The following IL1RAPL2 variants were observed in gnomAD, a reference collection of about 807,000 sequenced individuals.
IL1RAPL2 encodes X-linked interleukin-1 receptor accessory protein-like 2.
In IL1RAPL2, 3 loss-of-function variants were observed where a neutral mutation model predicts 44.1. The observed-to-expected ratio is 0.07, with a 90% CI of 0.03 to 0.18. The LOEUF is 0.18. IL1RAPL2 is among the 10% of genes least tolerant of loss of function. The pLI is 1.00. For missense variants in IL1RAPL2, 391 were observed against 496.4 expected (o/e 0.79, Z 2.02); for synonymous variants, 181 against 178.8 (o/e 1.01, Z -0.10).
At chrX:105,727,776 CT>C (rs2038364491) in intron 7 of IL1RAPL2, among the ~76,000 whole-genome samples, 1 of 111,869 alleles carries the variant, frequency 8.9e-6, no homozygotes, top group African/African-American at 3.2e-5. Flanking sequence ...TACTTCCCAG[CT>C]TACCACATTG....
chrX:104,632,863 A>C (rs1929685943), intron 1 of IL1RAPL2, among the ~76,000 whole-genome samples: 1 of 110,413 alleles, frequency 9.1e-6, no homozygotes, highest in Non-Finnish European at 1.9e-5. Context: ...CCTGGCCAGA[A>C]CTTCCAACAC....
intron 2 of IL1RAPL2, among the ~76,000 whole-genome samples, chrX:105,156,642 C>T (rs2147592249): frequency 8.9e-6 from 1 of 112,020 alleles, no homozygotes; most frequent in East Asian, 2.8e-4. Flanking sequence ...TTTTCATTTG[C>T]AAAATATTTT....
chrX:104,999,790 A>T (rs1489223060), intron 2 of IL1RAPL2, among the ~76,000 whole-genome samples: 2 of 111,356 alleles, frequency 1.8e-5, no homozygotes, highest in Non-Finnish European at 3.8e-5. Flanking sequence ...AACTTCCTTT[A>T]GTTCTAGTAC....
At chrX:105,696,609 G>A (rs1348028964) in intron 6 of IL1RAPL2, among the ~76,000 whole-genome samples, 2 of 111,755 alleles carry the variant, frequency 1.8e-5, no homozygotes, top group Non-Finnish European at 3.8e-5. Flanking sequence ...TGGCCAAATG[G>A]ACTGGAGTTC....
At chrX:104,910,950 G>A in intron 2 of IL1RAPL2, among the ~76,000 whole-genome samples, 1 of 112,018 alleles carries the variant, frequency 8.9e-6, no homozygotes, top group Middle Eastern at 4.6e-3. Flanking sequence ...GAATGAAAAG[G>A]TAATATGATA....
intron 5 of IL1RAPL2, among the ~76,000 whole-genome samples, chrX:105,379,929 G>C (rs957443407): frequency 9.0e-6 from 1 of 111,507 alleles, no homozygotes; most frequent in Admixed American, 9.6e-5. Context: ...TATTACAAGA[G>C]TGACTCCTAA....
At chrX:104,979,528 T>A (rs1470785780) in intron 2 of IL1RAPL2, among the ~76,000 whole-genome samples, 1 of 111,757 alleles carries the variant, frequency 8.9e-6, no homozygotes, top group East Asian at 2.8e-4. Flanking sequence ...ACATGACAGA[T>A]AAAAGTTTGA....
chrX:104,603,718 A>T (rs1386955434), intron 1 of IL1RAPL2, among the ~76,000 whole-genome samples: 1 of 111,910 alleles, frequency 8.9e-6, no homozygotes, highest in Non-Finnish European at 1.9e-5. Context: ...ATTGAAGATC[A>T]ACCTAATGAA....
intron 10 of IL1RAPL2, among the ~76,000 whole-genome samples, chrX:105,761,784 T>G (rs1366229697): frequency 1.8e-5 from 2 of 112,166 alleles, no homozygotes; most frequent in Non-Finnish European, 3.8e-5. Flanking sequence ...AGTAATAAAT[T>G]ATGCTTTTGT....
chrX:105,267,041 C>G (rs748845192), intron 4 of IL1RAPL2, among the ~76,000 whole-genome samples: 5 of 111,529 alleles, frequency 4.5e-5, no homozygotes, highest in Non-Finnish European at 9.4e-5. Context: ...ATAGAAGGAA[C>G]CAGGACATTA....
intron 5 of IL1RAPL2, among the ~76,000 whole-genome samples, chrX:105,454,097 A>C (rs894007578): frequency 9.0e-6 from 1 of 111,322 alleles, no homozygotes. Flanking sequence ...TCAGCTCAGA[A>C]CCAAGAGAGA....
intron 6 of IL1RAPL2, among the ~76,000 whole-genome samples, chrX:105,667,661 AGCAGCAGTC>A (rs986632429): frequency 9.0e-6 from 1 of 111,573 alleles, no homozygotes; most frequent in Non-Finnish European, 1.9e-5. Flanking sequence ...CTCCAGCAGT[AGCAGCAGTC>A]ACAGTAACAG....
At chrX:104,927,202 C>A (rs965012549) in intron 2 of IL1RAPL2, among the ~76,000 whole-genome samples, 1 of 111,637 alleles carries the variant, frequency 9.0e-6, no homozygotes, top group South Asian at 3.7e-4. Flanking sequence ...GAAGCCCACT[C>A]CTCTTCCTAC....
At position 105,142,589 on chromosome X, in the gene IL1RAPL2, T is replaced by C. The variant is rs747891298; in HGVS notation, c.83-52886T>C. Among the ~76,000 whole-genome samples the C allele has an allele frequency of 3.4e-3, 376 of 110,336 alleles. 1 individual carries two copies. The highest frequency in any genetic ancestry group is 0.011 in the African/African-American group (347 of 30,256). On this transcript the variant is annotated intron_variant, in intron 2 of 10. Transcript: ENST00000372582. ...GTATCTTCAGTGAAGATACTTTAAA[T>C]CTGTGACATTTTTTTTTTTAGCTTT... is the stretch of plus-strand genomic sequence containing the variant.
chrX:105,009,772 A>G (rs1345123440), intron 2 of IL1RAPL2, among the ~76,000 whole-genome samples: 1 of 110,196 alleles, frequency 9.1e-6, no homozygotes. Context: ...TAAAAAAAAG[A>G]AAATAGTGTT....
At chrX:104,887,611 G>A (rs1185831710) in intron 2 of IL1RAPL2, among the ~76,000 whole-genome samples, 5 of 111,604 alleles carry the variant, frequency 4.5e-5, no homozygotes, top group Non-Finnish European at 9.4e-5. Flanking sequence ...TAGATACCAG[G>A]CACTACTCCT....
At chrX:105,375,181 C>T (rs953268256) in intron 5 of IL1RAPL2, among the ~76,000 whole-genome samples, 1 of 110,209 alleles carries the variant, frequency 9.1e-6, no homozygotes, top group African/African-American at 3.3e-5. Context: ...GAGTCAGAGT[C>T]CCTAGGCCAG....
At chrX:105,434,228 A>T (rs768745170) in intron 5 of IL1RAPL2, among the ~76,000 whole-genome samples, 1 of 112,131 alleles carries the variant, frequency 8.9e-6, no homozygotes, top group Admixed American at 9.5e-5. Flanking sequence ...GACAATACCA[A>T]GTGCTGACAA....
intron 2 of IL1RAPL2, among the ~76,000 whole-genome samples, chrX:104,849,371 T>TATATA (rs1298461170): frequency 7.3e-5 from 7 of 96,311 alleles, no homozygotes; most frequent in East Asian, 3.3e-4. Flanking sequence ...TATATATGGA[T>TATATA]TACTTACGGA....
Sources: allele counts gnomAD v4.1 joint callset (sites outside exome capture counted in the v4.1 genomes callset), GRCh38; gene constraint gnomAD v4.1.1; transcripts MANE v1.5; gene names NCBI Gene and HGNC (gene_info 2026-07-23, HGNC 2026-07-21).